The following PPIP5K2 variants were observed in gnomAD, a reference collection of about 807,000 sequenced individuals.
PPIP5K2 encodes the protein inositol hexakisphosphate and diphosphoinositol-pentakisphosphate kinase 2.
PPIP5K2 carries 105 observed loss-of-function variants against 154.6 expected under a neutral mutation model. The ratio of observed to expected loss-of-function variants is 0.68; its 90% confidence interval spans 0.58 to 0.80. The LOEUF (loss-of-function observed/expected upper bound fraction) is 0.80, where lower values mean the gene tolerates loss of function less well. Ranked by LOEUF, PPIP5K2 falls within the 30% of genes least tolerant of loss-of-function variation. The pLI is 0.00. For synonymous variants in PPIP5K2, 480 were observed against 490.3 expected, an observed-to-expected ratio of 0.98 and a Z score of 0.28; for missense variants, 992 against 1,504.6, an observed-to-expected ratio of 0.66 and a Z score of 5.64.
At chr5:103,172,142 C>T (rs943008815) in intron 19 of PPIP5K2, among the ~76,000 whole-genome samples, 2 of 151,594 alleles carry the variant, frequency 1.3e-5, no homozygotes, top group Admixed American at 6.6e-5. Flanking sequence ...AATTATTTCC[C>T]TGATGATTTT....
At chr5:103,126,444 G>T (rs2149440696) in intron 1 of PPIP5K2, among the ~76,000 whole-genome samples, 1 of 152,202 alleles carries the variant, frequency 6.6e-6, no homozygotes, top group East Asian at 1.9e-4. Flanking sequence ...CACATATTTT[G>T]TAAAGTATTT....
In PPIP5K2 at chr5:103,205,262, G is replaced by A. The variant is rs1201689823; in HGVS notation, c.*3628G>A. ...CTATCATTGATGGACATCTGGGTTGGTCCCAAGTCTTTGCTATTGTGAATA... is the reference window on the plus strand; with the variant it reads ...CTATCATTGATGGACATCTGGGTTGATCCCAAGTCTTTGCTATTGTGAATA... On this transcript the variant is annotated 3_prime_UTR_variant, in exon 31 of 31. Coordinates refer to ENST00000358359, the MANE Select transcript of PPIP5K2 (RefSeq NM_001276277.3). The A allele has an allele frequency of 6.6e-6, 1 of 152,152 alleles. No homozygotes were observed. Among genetic ancestry groups the A allele is most frequent in the Non-Finnish European group, 1.5e-5 (1 of 68,050 alleles). 9.4% of individuals were successfully genotyped at this position (152,152 alleles called of 1,614,324 possible). A position where few individuals can be genotyped will look rare whatever the true frequency, so the allele number is the denominator to read the frequency against.
At chr5:103,128,335 T>C (rs902649617) in intron 1 of PPIP5K2, among the ~76,000 whole-genome samples, 2 of 152,182 alleles carry the variant, frequency 1.3e-5, no homozygotes, top group Non-Finnish European at 2.9e-5. Flanking sequence ...AGCAAGTACA[T>C]GTAAACAACT....
At chr5:103,194,722 G>C (rs906900391) in intron 29 of PPIP5K2, 178 bp from the exon 30 acceptor site, 4 of 583,150 alleles carry the variant, frequency 6.9e-6, no homozygotes, top group African/African-American at 1.9e-5. Context: ...TTTGTCTAAG[G>C]CCATAACAGA....
chr5:103,178,610 A>G (rs1429658220), intron 23 of PPIP5K2, among the ~76,000 whole-genome samples: 2 of 151,598 alleles, frequency 1.3e-5, no homozygotes. Context: ...TCATTTTATA[A>G]TATTCTAAAG....
chr5:103,175,664 A>G (rs551221746), intron 21 of PPIP5K2, among the ~76,000 whole-genome samples: 2 of 152,068 alleles, frequency 1.3e-5, no homozygotes, highest in Non-Finnish European at 1.5e-5. Flanking sequence ...AAGCAGGGAA[A>G]TGGGTGGCTT....
chr5:103,210,127 C>T lies in PPIP5K2; in HGVS notation c.*8493C>T, dbSNP rs1279454367. 5 of 152,154 alleles carry T rather than the reference C, an allele frequency of 3.3e-5. No individual in the cohort carries two copies. Among genetic ancestry groups the T allele is most frequent in the African/African-American group, 1.2e-4 (5 of 41,416 alleles). The allele number at this position is 152,154 out of a possible 1,614,324, so 9.4% of individuals were successfully genotyped here. ...CCACAAAGAGAGAATCAATGAGCCA[C>T]ACTCATATTGGAAGCGAATGGAGTT... On this transcript the variant is annotated 3_prime_UTR_variant, in exon 31 of 31. Coordinates refer to ENST00000358359, the MANE Select transcript of PPIP5K2 (RefSeq NM_001276277.3).
Position 103,190,921 on chromosome 5 carries a change from T to C in PPIP5K2, c.3432T>C (p.Asp1144=), listed in dbSNP as rs1554226706. The C allele has an allele frequency of 6.2e-7, 1 of 1,610,510 alleles. No individual in the cohort carries two copies. The highest frequency in any genetic ancestry group is 2.2e-5 in the East Asian group (1 of 44,718). Residue 1144 remains aspartate, a synonymous_variant, in exon 29 of 31, where the codon GAT becomes GAC. Coordinates refer to ENST00000358359, the MANE Select transcript of PPIP5K2 (RefSeq NM_001276277.3). ...ATGCCCTATCTTTAAAGCAAGTGGATGAATTTCTTGCTTCCATTGCTTCTC... is the reference window on the plus strand; with the variant it reads ...ATGCCCTATCTTTAAAGCAAGTGGACGAATTTCTTGCTTCCATTGCTTCTC... ...LHNALSLKQV[D]EFLASIASPS... is the part of the protein sequence containing the mutation.
intron 2 of PPIP5K2, 111 bp from the exon 3 acceptor site, chr5:103,133,342 C>T: frequency 1.3e-6 from 1 of 749,142 alleles, no homozygotes; most frequent in South Asian, 2.7e-5. Flanking sequence ...TAATGTGTCA[C>T]TTTTATTTAT....
rs782273787 is a variant in PPIP5K2 at position 103,154,733 on chromosome 5, A to G, written c.1281A>G (p.Pro427=). The G allele has an allele frequency of 1.6e-5, 25 of 1,588,800 alleles. No homozygotes were observed. Among genetic ancestry groups the G allele is most frequent in the Non-Finnish European group, 2.1e-5 (24 of 1,166,572 alleles). ...CAGGGAAATTAAAACTCAAAAAACC[A>G]AAACAGTTACAGGCAAGTGTATTTG... The part of the protein sequence containing the change: ...YKSGKLKLKK[P]KQLQEVLDIA... The change falls in exon 12 of 31, where the codon CCA becomes CCG. Residue 427 remains proline, a synonymous_variant. Transcript: ENST00000358359.
At chr5:103,132,169 A>G (rs1037277309) in intron 2 of PPIP5K2, among the ~76,000 whole-genome samples, 3 of 152,158 alleles carry the variant, frequency 2.0e-5, no homozygotes, top group South Asian at 2.1e-4. Context: ...TGATTTACCA[A>G]TCAACTCTAG....
rs201722698 is a variant in PPIP5K2 at position 103,186,339 on chromosome 5, G to A, written c.3189G>A (p.Leu1063=). ...NPTVGSHCAG[L]FSTSVLGGSS... ...CATCAGGGTCTCACTGTGCGGGCCT[G>A]TTTAGCACCTCGGTGCTCGGGGGTT... is the stretch of plus-strand genomic sequence containing the variant. Residue 1063 remains leucine, a synonymous_variant, in exon 27 of 31, where the codon CTG becomes CTA. Coordinates refer to ENST00000358359, the MANE Select transcript of PPIP5K2 (RefSeq NM_001276277.3). 146 of 1,613,730 alleles carry A rather than the reference G, an allele frequency of 9.0e-5. No homozygotes were observed. Among genetic ancestry groups the A allele is most frequent in the Non-Finnish European group, 1.2e-4 (140 of 1,179,868 alleles).
Position 103,210,861 on chromosome 5 carries a change from T to C in PPIP5K2, c.*9227T>C, listed in dbSNP as rs1442953748. ...AATACATTTAGTTCTGGATTTTGTT[T>C]GATATTGTGAATGCAAACTATTTTT... On this transcript the variant is annotated 3_prime_UTR_variant, in exon 31 of 31. Transcript: ENST00000358359. 1 of 152,152 alleles carries C rather than the reference T, an allele frequency of 6.6e-6. No homozygotes were observed. Among genetic ancestry groups the C allele is most frequent in the Admixed American group, 6.5e-5 (1 of 15,274 alleles). The allele number at this position is 152,152 out of a possible 1,614,324, so 9.4% of individuals were successfully genotyped here.
chr5:103,170,040 A>G (rs1057231831), intron 19 of PPIP5K2, among the ~76,000 whole-genome samples: 3 of 151,480 alleles, frequency 2.0e-5, no homozygotes, highest in South Asian at 2.1e-4. Context: ...TACTGTTTCC[A>G]TTATATATAC....
At chr5:103,181,286 G>A (rs1192508310) in intron 24 of PPIP5K2, among the ~76,000 whole-genome samples, 2 of 151,964 alleles carry the variant, frequency 1.3e-5, no homozygotes, top group Non-Finnish European at 2.9e-5. Context: ...AAGGAAGAGG[G>A]GCCTGGCGTG....
chr5:103,134,184 T>C (rs1378869147), intron 3 of PPIP5K2, among the ~76,000 whole-genome samples: 1 of 152,140 alleles, frequency 6.6e-6, no homozygotes, highest in Non-Finnish European at 1.5e-5. Context: ...ATACTTTATT[T>C]TTAAGAACTT....
At chr5:103,122,912 G>C (rs1485516343) in intron 1 of PPIP5K2, among the ~76,000 whole-genome samples, 2 of 152,168 alleles carry the variant, frequency 1.3e-5, no homozygotes, top group Admixed American at 6.5e-5. Flanking sequence ...AGCTCTGGCC[G>C]TGACCAGTAA....
At chr5:103,189,870 G>A (rs1171141260) in intron 28 of PPIP5K2, among the ~76,000 whole-genome samples, 4 of 151,938 alleles carry the variant, frequency 2.6e-5, no homozygotes, top group Admixed American at 6.6e-5. Flanking sequence ...GGTTAATTTT[G>A]TACTTTTAAT....
chr5:103,153,575 A>C (rs955746248), intron 10 of PPIP5K2, among the ~76,000 whole-genome samples: 3 of 151,954 alleles, frequency 2.0e-5, no homozygotes, highest in Non-Finnish European at 3.0e-5. Context: ...ATCTACTTTT[A>C]TCCCAGAGTT....
Sources: allele counts gnomAD v4.1 joint callset (sites outside exome capture counted in the v4.1 genomes callset), GRCh38; gene constraint gnomAD v4.1.1; transcripts MANE v1.5; gene names NCBI Gene and HGNC (gene_info 2026-07-23, HGNC 2026-07-21).